Variants in TENM3 observed in about 807,000 individuals in gnomAD.
TENM3 encodes the protein teneurin transmembrane protein 3.
In TENM3, 63 loss-of-function variants were observed where a neutral mutation model predicts 255.1. That is an observed-to-expected ratio of 0.25 (90% CI 0.20 to 0.30). The LOEUF is 0.30. Among genes scored for constraint, TENM3 ranks in the 10% least tolerant of loss-of-function variants. The pLI is 1.00. For missense variants in TENM3, 2,929 were observed against 3,461.1 expected, an observed-to-expected ratio of 0.85 and a Z score of 3.86; for synonymous variants, 1,306 against 1,322.3, an observed-to-expected ratio of 0.99 and a Z score of 0.27.
chr4:182,071,852 G>T, the TENM3 span, among the ~76,000 whole-genome samples: 1 of 151,944 alleles, frequency 6.6e-6, no homozygotes, highest in Non-Finnish European at 1.5e-5. Flanking sequence ...GCCAATTACT[G>T]TACTTCAGGG....
the TENM3 span, among the ~76,000 whole-genome samples, chr4:181,561,144 G>A: frequency 6.6e-6 from 1 of 152,062 alleles, no homozygotes; most frequent in African/African-American, 2.4e-5. Flanking sequence ...GGTAGAGACG[G>A]GGTTTCGCCA....
At chr4:181,767,251 CAAA>C in the TENM3 span, among the ~76,000 whole-genome samples, 2 of 75,720 alleles carry the variant, frequency 2.6e-5, no homozygotes, top group Admixed American at 1.5e-4. Context: ...GACTCCGTCT[CAAA>C]AAAAAAAAAA....
intron 3 of TENM3, among the ~76,000 whole-genome samples, chr4:182,522,928 A>C (rs1738737333): frequency 6.6e-6 from 1 of 152,068 alleles, no homozygotes. Flanking sequence ...GTGTGTGAGC[A>C]TTTCCCTTCC....
chr4:181,573,950 A>G, the TENM3 span, among the ~76,000 whole-genome samples: 1 of 152,190 alleles, frequency 6.6e-6, no homozygotes, highest in Non-Finnish European at 1.5e-5. Context: ...GGCAGCAAAA[A>G]AAATCCTTAA....
chr4:181,536,102 T>C, the TENM3 span, among the ~76,000 whole-genome samples: 28,202 of 152,194 alleles, frequency 0.19, 2,656 homozygotes, highest in Middle Eastern at 0.26. Context: ...ACTTGTTTGC[T>C]ACTGAATCCC....
At chr4:182,049,791 G>T in the TENM3 span, among the ~76,000 whole-genome samples, 3 of 152,222 alleles carry the variant, frequency 2.0e-5, no homozygotes, top group South Asian at 6.2e-4. Flanking sequence ...TTTACCATGG[G>T]TGAGATCTGT....
At chr4:182,169,479 T>C (rs1056005628) in intron 1 of TENM3, 1 of 327,318 alleles carries the variant, frequency 3.1e-6, no homozygotes, top group Middle Eastern at 1.1e-3. Context: ...ACCTAAAATA[T>C]GAATGAAGAT....
chr4:182,623,244 A>G (rs1197010512), intron 4 of TENM3, among the ~76,000 whole-genome samples: 1 of 151,252 alleles, frequency 6.6e-6, no homozygotes, highest in East Asian at 2.0e-4. Context: ...CGATTTCCTG[A>G]CCTTGTGATC....
intron 1 of TENM3, among the ~76,000 whole-genome samples, chr4:182,214,564 C>T (rs1755318394): frequency 6.6e-6 from 1 of 150,890 alleles, no homozygotes; most frequent in African/African-American, 2.4e-5. Flanking sequence ...GGGGGTCTTG[C>T]TGTGTTGCCC....
the TENM3 span, among the ~76,000 whole-genome samples, chr4:181,888,437 A>G: frequency 2.7e-5 from 4 of 146,878 alleles, no homozygotes; most frequent in South Asian, 8.7e-4. Flanking sequence ...AAATCAGGTT[A>G]AATTCACTGT....
At chr4:181,526,082 A>G in the TENM3 span, among the ~76,000 whole-genome samples, 4 of 152,146 alleles carry the variant, frequency 2.6e-5, no homozygotes, top group Admixed American at 6.5e-5. Context: ...GACTCTAACA[A>G]TTTCAAGGAA....
At position 182,161,957 on chromosome 4, in the gene TENM3, GTGTATATA is replaced by G. The variant is rs1216277560; in HGVS notation, c.-76+17205_-76+17212del. On this transcript the variant is annotated intron_variant, in intron 1 of 2. Coordinates refer to the TENM3 transcript ENST00000512480. The stretch of plus-strand genomic sequence containing the variant: ...CACATATATATATTTGTGTGTGTGT[GTGTATATA>G]TATATATATATATATATATATATAT... Among the ~76,000 whole-genome samples, 427 of 44,762 alleles carry G rather than the reference GTGTATATA, an allele frequency of 9.5e-3. 38 individuals are homozygous for G. Among genetic ancestry groups the G allele is most frequent in the African/African-American group, 0.039 (393 of 10,018 alleles). 29.4% of individuals were successfully genotyped at this position (44,762 alleles called of 152,430 possible).
At chr4:182,397,961 C>T (rs1768965473) in intron 3 of TENM3, among the ~76,000 whole-genome samples, 1 of 152,122 alleles carries the variant, frequency 6.6e-6, no homozygotes, top group Admixed American at 6.5e-5. Context: ...TTACATGTGG[C>T]CCCTCCATGT....
rs60529733 is a variant in TENM3 at position 182,174,532 on chromosome 4, A to AC, written c.-76+29778_-76+29779insC. Among the ~76,000 whole-genome samples, 922 of 148,318 alleles carry AC rather than the reference A, an allele frequency of 6.2e-3. 10 individuals carry two copies. Among genetic ancestry groups the AC allele is most frequent in the African/African-American group, 0.022 (851 of 38,888 alleles). On this transcript the variant is annotated intron_variant, in intron 1 of 2. Transcript: ENST00000512480. ...CACACACACACACACACACACACAC[A>AC]AACACACACTTTAACAGGGAGGTTA... is the stretch of plus-strand genomic sequence containing the variant.
intron 3 of TENM3, among the ~76,000 whole-genome samples, chr4:182,460,908 AAATT>A (rs1228488745): frequency 7.2e-5 from 11 of 152,236 alleles, no homozygotes; most frequent in African/African-American, 2.4e-4. Context: ...TTCTTAAGGA[AAATT>A]AATTCATAAA....
At chr4:182,648,853 G>A (rs1026647381) in intron 5 of TENM3, among the ~76,000 whole-genome samples, 6 of 151,916 alleles carry the variant, frequency 3.9e-5, no homozygotes, top group African/African-American at 1.2e-4. Flanking sequence ...GCTTTCTTTT[G>A]CCCAACATTA....
chr4:182,096,726 G>T, the TENM3 span, among the ~76,000 whole-genome samples: 1 of 152,164 alleles, frequency 6.6e-6, no homozygotes, highest in Non-Finnish European at 1.5e-5. Context: ...ACCTGGGTCT[G>T]ATCCAGTCTC....
intron 3 of TENM3, among the ~76,000 whole-genome samples, chr4:182,480,923 A>C (rs892315006): frequency 7.2e-5 from 11 of 152,110 alleles, no homozygotes; most frequent in Non-Finnish European, 1.5e-4. Flanking sequence ...ATACGGAGTC[A>C]TTTTATTGAG....
At chr4:182,796,605 A>C in intron 26 of TENM3, 32 bp from the exon 27 acceptor site, 1 of 1,552,728 alleles carries the variant, frequency 6.4e-7, no homozygotes, top group South Asian at 1.3e-5. Flanking sequence ...AACAAACTCC[A>C]ACACCTTTCA....
Sources: allele counts gnomAD v4.1 joint callset (sites outside exome capture counted in the v4.1 genomes callset), GRCh38; gene constraint gnomAD v4.1.1; transcripts MANE v1.5; gene names NCBI Gene and HGNC (gene_info 2026-07-23, HGNC 2026-07-21).